The following SLCO2A1 variants were observed in gnomAD, a reference collection of about 807,000 sequenced individuals.
SLCO2A1 encodes solute carrier organic anion transporter family member 2A1, also known as matrin F/G 1.
A neutral mutation model predicts 71.7 loss-of-function variants in SLCO2A1; 60 were observed. The observed-to-expected ratio is 0.84, with a 90% CI of 0.68 to 1.04. The LOEUF (loss-of-function observed/expected upper bound fraction) is 1.04. SLCO2A1 is among the 50% of genes least tolerant of loss of function. The pLI, the probability that SLCO2A1 is intolerant of heterozygous loss-of-function variation, is 0.00. For missense variants in SLCO2A1, 745 were observed against 813.4 expected, an observed-to-expected ratio of 0.92 and a Z score of 1.02; for synonymous variants, 308 against 326.7, an observed-to-expected ratio of 0.94 and a Z score of 0.62.
intron 12 of SLCO2A1, among the ~76,000 whole-genome samples, chr3:133,937,519 A>G (rs1933297979): frequency 6.6e-6 from 1 of 152,108 alleles, no homozygotes; most frequent in Non-Finnish European, 1.5e-5. Flanking sequence ...TACATCTCAA[A>G]ATGGGGATGG....
chr3:133,959,144 G>A (rs1008044779), intron 3 of SLCO2A1, among the ~76,000 whole-genome samples: 8 of 152,120 alleles, frequency 5.3e-5, no homozygotes, highest in East Asian at 3.9e-4. Context: ...AGGAGAACGC[G>A]GAGTCCTGAA....
Position 133,960,778 on chromosome 3 carries a change from G to A in SLCO2A1, c.398-5585C>T, listed in dbSNP as rs1934015994. Among the ~76,000 whole-genome samples the A allele has an allele frequency of 2.0e-5, 3 of 152,130 alleles. No homozygotes were observed. In the South Asian group the frequency reaches 6.2e-4, roughly 32 times the overall value. ...TGTGAAGCTGGGACAGGGTGCCAGG[G>A]AGCATATGAGAGAGGCAGCAGACCC... On this transcript the variant is annotated intron_variant, in intron 3 of 13. Coordinates refer to ENST00000310926, the MANE Select transcript of SLCO2A1 (RefSeq NM_005630.3).
rs939115963 is a variant in SLCO2A1, at chr3:133,934,552, G to A, written c.*161C>T. On this transcript the variant is annotated 3_prime_UTR_variant, in exon 14 of 14. Coordinates refer to ENST00000310926, the MANE Select transcript of SLCO2A1 (RefSeq NM_005630.3). Reference sequence around the variant, plus strand: ...CAGTGGCCCTTAGGAACTGTGGGGAGGACTCTGGGAGGAAGAGGTAGGGAA... The same window carrying A: ...CAGTGGCCCTTAGGAACTGTGGGGAAGACTCTGGGAGGAAGAGGTAGGGAA... 11 of 573,740 alleles carry A rather than the reference G, an allele frequency of 1.9e-5. No individual in the cohort carries two copies. In the Admixed American group the frequency reaches 3.1e-4, roughly 16 times the overall value. 35.5% of individuals were successfully genotyped at this position (573,740 alleles called of 1,614,324 possible).
intron 3 of SLCO2A1, among the ~76,000 whole-genome samples, chr3:133,973,082 G>C (rs1448895341): frequency 1.3e-5 from 2 of 152,162 alleles, no homozygotes; most frequent in Non-Finnish European, 2.9e-5. Context: ...AGATGAGAGA[G>C]GATGGTGGGC....
intron 1 of SLCO2A1, among the ~76,000 whole-genome samples, chr3:134,026,148 T>C (rs1324464011): frequency 6.6e-6 from 1 of 152,122 alleles, no homozygotes; most frequent in Admixed American, 6.6e-5. Context: ...CAATATTGCA[T>C]AGCTAGAGAA....
chr3:133,989,981 G>C (rs878900680), intron 1 of SLCO2A1, among the ~76,000 whole-genome samples: 3 of 131,126 alleles, frequency 2.3e-5, no homozygotes, highest in Admixed American at 2.1e-4. Context: ...CCTTCACACT[G>C]TGTGATAGTT....
chr3:134,029,142 G>A (rs1576466513), intron 1 of SLCO2A1, among the ~76,000 whole-genome samples: 1 of 152,094 alleles, frequency 6.6e-6, no homozygotes, highest in Admixed American at 6.5e-5. Flanking sequence ...AACTGCGAGC[G>A]GCACAGCCAG....
intron 1 of SLCO2A1, among the ~76,000 whole-genome samples, chr3:133,999,343 T>C (rs1935052565): frequency 6.6e-6 from 1 of 152,250 alleles, no homozygotes; most frequent in African/African-American, 2.4e-5. Context: ...GGAGAGATTT[T>C]ATCAGGGGCT....
At chr3:133,994,427 T>C (rs949451843) in intron 1 of SLCO2A1, among the ~76,000 whole-genome samples, 11 of 152,330 alleles carry the variant, frequency 7.2e-5, no homozygotes, top group African/African-American at 2.6e-4. Context: ...CCATGTCCAG[T>C]GGGCCCTCCA....
rs575297334 is a variant in SLCO2A1, at chr3:133,984,463, TAGAAAAGGCAGGG to T, written c.97-4858_97-4846del. Among the ~76,000 whole-genome samples the T allele has an allele frequency of 3.0e-4, 45 of 152,040 alleles. 1 individual carries two copies. The East Asian group carries it at 8.7e-3, about 30-fold the overall frequency. ...AGGGATCAGATTGATGGCTGCAAGG[TAGAAAAGGCAGGG>T]AGAAAAGGCAGGGAAAAGGGAAGGA... On this transcript the variant is annotated intron_variant, in intron 1 of 13. Transcript: ENST00000310926.
At position 133,942,588 on chromosome 3, in the gene SLCO2A1, A is replaced by G. The variant is rs200626311; in HGVS notation, c.1625+17T>C. The G allele has an allele frequency of 4.3e-4, 686 of 1,596,566 alleles. 2 individuals are homozygous for G. The Middle Eastern group carries it at 5.6e-3, about 13-fold the overall frequency. On this transcript the variant is annotated intron_variant, in intron 11 of 13. Transcript: ENST00000310926. ...AGGAGAAGCCACGCCCCAGACTCAC[A>G]GAGGTTTGCCACTCACCGCAGAACC...
intron 11 of SLCO2A1, among the ~76,000 whole-genome samples, chr3:133,939,002 T>C (rs940685740): frequency 3.3e-5 from 5 of 152,094 alleles, no homozygotes; most frequent in Admixed American, 3.3e-4. Context: ...ATTAGGGCCC[T>C]TGGGCTGCAG....
intron 1 of SLCO2A1, among the ~76,000 whole-genome samples, chr3:134,001,079 A>C (rs573303099): frequency 6.6e-6 from 1 of 151,734 alleles, no homozygotes; most frequent in East Asian, 1.9e-4. Context: ...CTGGAGCCCC[A>C]TGGGGGCTGT....
At chr3:133,949,280 AC>A (rs1331946680) in intron 6 of SLCO2A1, 2 of 319,388 alleles carry the variant, frequency 6.3e-6, no homozygotes, top group Non-Finnish European at 1.2e-5. Flanking sequence ...CCTGGACCCC[AC>A]CCCTCACCCC....
chr3:133,977,411 C>A (rs1261123944), intron 2 of SLCO2A1, among the ~76,000 whole-genome samples: 1 of 152,224 alleles, frequency 6.6e-6, no homozygotes, highest in Non-Finnish European at 1.5e-5. Context: ...CAAGTCCTAG[C>A]TAGCTACTCC....
At position 133,954,979 on chromosome 3, in the gene SLCO2A1, C is replaced by A. The variant is rs763713775; in HGVS notation, c.612G>T (p.Ser204=). 1.2e-6 allele frequency: 2 copies of A among 1,613,718 alleles called. No individual in the cohort carries two copies. Among genetic ancestry groups the A allele is most frequent in the East Asian group, 2.2e-5 (1 of 44,890 alleles). Reference sequence around the variant, plus strand: ...CCGGTGACTCACAGATGTACAGGGGCGAGTTGCTGGGCTCTGAGAAGTCAT... The same window carrying A: ...CCGGTGACTCACAGATGTACAGGGGAGAGTTGCTGGGCTCTGAGAAGTCAT... ...YVDDFSEPSN[S]PLYISILFAI... is the part of the protein sequence containing the mutation. The change falls in exon 4 of 14, where the codon TCG becomes TCT. Residue 204 remains serine (S), a synonymous_variant. Coordinates refer to ENST00000310926, the MANE Select transcript of SLCO2A1 (RefSeq NM_005630.3).
At chr3:133,980,509 C>A (rs1331827213) in intron 1 of SLCO2A1, among the ~76,000 whole-genome samples, 1 of 152,248 alleles carries the variant, frequency 6.6e-6, no homozygotes. Context: ...TGACACCGAA[C>A]AGGCTCTGAG....
intron 3 of SLCO2A1, among the ~76,000 whole-genome samples, chr3:133,972,019 A>G (rs1198620495): frequency 1.3e-5 from 2 of 152,226 alleles, no homozygotes; most frequent in Admixed American, 6.5e-5. Flanking sequence ...GAACAAGAGC[A>G]AGCAGACATA....
chr3:134,024,081 TATCA>T (rs1935650406), intron 1 of SLCO2A1, among the ~76,000 whole-genome samples: 1 of 152,212 alleles, frequency 6.6e-6, no homozygotes, highest in Non-Finnish European at 1.5e-5. Context: ...TTCAAGAGCT[TATCA>T]ATCAGTCAGC....
Sources: gnomAD v4.1 joint callset for allele counts (sites outside exome capture counted in the v4.1 genomes callset) on GRCh38, gnomAD v4.1.1 for gene constraint, MANE v1.5 for transcripts, NCBI Gene and HGNC (gene_info 2026-07-23, HGNC 2026-07-21) for gene names.